The following CFAP61 variants were observed in gnomAD, a reference collection of about 807,000 sequenced individuals.
The protein encoded by CFAP61 is cilia- and flagella-associated protein 61.
CFAP61 carries 107 observed loss-of-function variants against 135.6 expected under a neutral mutation model. The ratio of observed to expected loss-of-function variants is 0.79; its 90% CI spans 0.67 to 0.93. The LOEUF (loss-of-function observed/expected upper bound fraction) is 0.93. Among genes scored for constraint, CFAP61 ranks in the 40% least tolerant of loss-of-function variants. The pLI, the probability that CFAP61 is intolerant of heterozygous loss-of-function variation, is 0.00. For synonymous variants in CFAP61, 575 were observed against 578.5 expected, an observed-to-expected ratio of 0.99 and a Z score of 0.09; for missense variants, 1,507 against 1,556.2, an observed-to-expected ratio of 0.97 and a Z score of 0.53.
intron 25 of CFAP61, among the ~76,000 whole-genome samples, chr20:20,323,908 T>C (rs2057648126): frequency 2.0e-5 from 3 of 152,240 alleles, no homozygotes. Context: ...ATTCTGAACA[T>C]GTTCCCATTT....
Position 20,072,060 on chromosome 20 carries a change from A to T in CFAP61, c.294+1056A>T, listed in dbSNP as rs6112742. Among the ~76,000 whole-genome samples, 469 of 123,028 alleles carry T rather than the reference A, an allele frequency of 3.8e-3. 1 individual carries two copies. Among genetic ancestry groups the T allele is most frequent in the African/African-American group, 0.013 (431 of 33,918 alleles). 80.7% of individuals were successfully genotyped at this position (123,028 alleles called of 152,430 possible). On this transcript the variant is annotated intron_variant, in intron 3 of 26. Coordinates refer to ENST00000245957, the MANE Select transcript of CFAP61 (RefSeq NM_015585.4). Reference sequence around the variant, plus strand: ...AGGTTATGGTTTATTGTCTTACAGGATGTGACCTATTTGGTATCTAATCTA... The same window carrying T: ...AGGTTATGGTTTATTGTCTTACAGGTTGTGACCTATTTGGTATCTAATCTA...
intron 8 of CFAP61, among the ~76,000 whole-genome samples, chr20:20,099,451 G>T (rs182378150): frequency 6.6e-6 from 1 of 152,092 alleles, no homozygotes; most frequent in East Asian, 1.9e-4. Flanking sequence ...GTATCTTTGC[G>T]GTTACATATT....
chr20:20,321,079 G>A (rs2057487544), intron 25 of CFAP61, among the ~76,000 whole-genome samples: 1 of 151,984 alleles, frequency 6.6e-6, no homozygotes, highest in African/African-American at 2.4e-5. Context: ...AAAGGCCTGT[G>A]ATTAATATTG....
At chr20:20,181,177 ATATATATGCATATATATG>A (rs1442377597) in intron 13 of CFAP61, among the ~76,000 whole-genome samples, 1 of 3,364 alleles carries the variant, frequency 3.0e-4, no homozygotes, top group Non-Finnish European at 2.7e-3. Context: ...ATATATACAC[ATATATATGCATATATATG>A]TATATATATG....
Position 20,187,926 on chromosome 20 carries a change from C to A in CFAP61, c.1386-4C>A. On this transcript the variant is annotated splice_polypyrimidine_tract_variant and splice_region_variant and intron_variant, in intron 13 of 26. Coordinates refer to ENST00000245957, the MANE Select transcript of CFAP61 (RefSeq NM_015585.4). ...CTTAAAAATATATTCCTCTCCTTAC[C>A]CAGGTCCATTAATATAAGATTTGCC... The A allele has an allele frequency of 6.2e-7, 1 of 1,611,124 alleles. No homozygotes were observed.
chr20:20,055,661 A>G (rs1300776699), intron 1 of CFAP61, among the ~76,000 whole-genome samples: 3 of 152,182 alleles, frequency 2.0e-5, no homozygotes, highest in East Asian at 1.9e-4. Context: ...CAGAATTTTT[A>G]TATACTTGTA....
chr20:20,288,467 C>A, intron 22 of CFAP61, 142 bp from the exon 23 acceptor site: 1 of 672,122 alleles, frequency 1.5e-6, no homozygotes, highest in Non-Finnish European at 2.6e-6. Context: ...CTCTCATACG[C>A]ACACAAACAA....
chr20:20,333,766 C>T (rs2058079607), intron 25 of CFAP61, among the ~76,000 whole-genome samples: 1 of 152,176 alleles, frequency 6.6e-6, no homozygotes, highest in Non-Finnish European at 1.5e-5. Context: ...GCAAGGGTGG[C>T]AGGGAATTTC....
chr20:20,342,278 G>A (rs980292699), intron 26 of CFAP61, among the ~76,000 whole-genome samples: 16 of 152,074 alleles, frequency 1.1e-4, no homozygotes, highest in African/African-American at 2.9e-4. Context: ...AGCCATTTGC[G>A]GAACATATGT....
At chr20:20,139,612 C>G (rs1250338400) in intron 8 of CFAP61, among the ~76,000 whole-genome samples, 1 of 152,190 alleles carries the variant, frequency 6.6e-6, no homozygotes. Context: ...GTAATTAAAC[C>G]TCGCAAGACC....
chr20:20,203,185 C>G (rs190107874), intron 17 of CFAP61, among the ~76,000 whole-genome samples: 123 of 152,260 alleles, frequency 8.1e-4, no homozygotes, highest in Non-Finnish European at 1.7e-3. Context: ...AAAAAAGAGC[C>G]TAGAAAACAT....
At position 20,243,010 on chromosome 20, in the gene CFAP61, G is replaced by A. The variant is rs563450986; in HGVS notation, c.2061-3107G>A. ...TATGGTTGTATTAGTCTGTTCTCACGCTGCTGATAAAGACATACCTGAGAC... is the reference window on the plus strand; with the variant it reads ...TATGGTTGTATTAGTCTGTTCTCACACTGCTGATAAAGACATACCTGAGAC... On this transcript the variant is annotated intron_variant, in intron 18 of 26. Coordinates refer to ENST00000245957, the MANE Select transcript of CFAP61 (RefSeq NM_015585.4). Among the ~76,000 whole-genome samples, 6 of 152,234 alleles carry A rather than the reference G, an allele frequency of 3.9e-5. No individual in the cohort carries two copies. The East Asian group carries it at 9.7e-4, about 24-fold the overall frequency.
intron 8 of CFAP61, among the ~76,000 whole-genome samples, chr20:20,135,070 C>T (rs1431089813): frequency 6.6e-6 from 1 of 151,572 alleles, no homozygotes; most frequent in Non-Finnish European, 1.5e-5. Context: ...TCACAGGCAT[C>T]CTGTGATAAG....
chr20:20,257,620 C>CAAAAAAAAAAAAAAAAAA (rs147860452), intron 20 of CFAP61, among the ~76,000 whole-genome samples: 1 of 58,250 alleles, frequency 1.7e-5, no homozygotes, highest in Non-Finnish European at 3.5e-5. Context: ...TCAAAAAAAA[C>CAAAAAAAAAAAAAAAAAA]AAAAAAACAA....
intron 21 of CFAP61, among the ~76,000 whole-genome samples, chr20:20,268,574 C>G (rs998035450): frequency 6.6e-6 from 1 of 152,130 alleles, no homozygotes; most frequent in East Asian, 1.9e-4. Context: ...TTTCCGGGCT[C>G]TAGAGTTGGA....
chr20:20,280,897 A>G (rs111558512), intron 22 of CFAP61, among the ~76,000 whole-genome samples: 119 of 152,102 alleles, frequency 7.8e-4, no homozygotes, highest in African/African-American at 2.8e-3. Context: ...GTCAAATTTT[A>G]GTCACTCTTG....
At chr20:20,237,589 C>G (rs527525770) in intron 18 of CFAP61, among the ~76,000 whole-genome samples, 17 of 152,302 alleles carry the variant, frequency 1.1e-4, no homozygotes, top group African/African-American at 4.1e-4. Context: ...TGACCAACAA[C>G]TTTGTGGCCA....
intron 6 of CFAP61, among the ~76,000 whole-genome samples, chr20:20,086,273 A>C: frequency 2.0e-5 from 3 of 147,698 alleles, no homozygotes; most frequent in South Asian, 2.2e-4. Context: ...CCATTAACTC[A>C]TCATTTAGTA....
At chr20:20,355,634 TAA>T (rs1292482186) in intron 26 of CFAP61, among the ~76,000 whole-genome samples, 1 of 128,226 alleles carries the variant, frequency 7.8e-6, no homozygotes, top group Non-Finnish European at 1.6e-5. Context: ...AAGGTCACAC[TAA>T]GGGGAGGTAG....
Sources: allele counts gnomAD v4.1 joint callset (sites outside exome capture counted in the v4.1 genomes callset), GRCh38; gene constraint gnomAD v4.1.1; transcripts MANE v1.5; gene names NCBI Gene and HGNC (gene_info 2026-07-23, HGNC 2026-07-21).